The following ZNF526 variants were observed in gnomAD, a reference collection of about 807,000 sequenced individuals.
ZNF526 encodes the protein zinc finger protein 526.
A neutral mutation model predicts 32.4 loss-of-function variants in ZNF526; 16 were observed. The observed-to-expected ratio is 0.49, with a 90% CI of 0.33 to 0.75. The LOEUF is 0.75. Ranked by LOEUF, ZNF526 falls within the 30% of genes least tolerant of loss-of-function variation. The pLI is 0.02. For synonymous variants in ZNF526, 355 were observed against 363.4 expected, an observed-to-expected ratio of 0.98 and a Z score of 0.26; for missense variants, 838 against 920.7, an observed-to-expected ratio of 0.91 and a Z score of 1.16.
intron 2 of ZNF526, 22 bp downstream of exon 2, chr19:42,224,327 A>C (rs2036150958): frequency 7.8e-7 from 1 of 1,273,948 alleles, no homozygotes; most frequent in East Asian, 2.3e-5. Context: ...GATGTGCAAG[A>C]GAATTCCACC....
chr19:42,226,059 G>A lies in ZNF526; in HGVS notation c.1656G>A (p.Arg552=). The A allele has an allele frequency of 6.2e-7, 1 of 1,609,898 alleles. No homozygotes were observed. ...NLQQHRRLHL[R]PVAFARAPRL... The stretch of plus-strand genomic sequence containing the variant: ...AGCAGCACCGGCGGTTGCACTTGCG[G>A]CCAGTCGCCTTTGCCCGCGCCCCCC... The change falls in exon 3 of 3, where the codon CGG becomes CGA. Residue 552 remains arginine, a synonymous_variant. Transcript: ENST00000301215.
Position 42,225,220 on chromosome 19 carries a change from C to G in ZNF526, c.817C>G (p.Gln273Glu). The G allele has an allele frequency of 1.2e-6, 2 of 1,614,190 alleles. No homozygotes were observed. Among genetic ancestry groups the G allele is most frequent in the African/African-American group, 1.3e-5 (1 of 75,064 alleles). ...GGDESTAGWA[Q>E]GCGDCPQHQP... is the part of the protein sequence containing the mutation. ...TGACGAGTCCACAGCTGGCTGGGCT[C>G]AGGGCTGCGGGGACTGTCCCCAGCA... is the stretch of plus-strand genomic sequence containing the variant. Residue 273 changes from glutamine to glutamate, a missense_variant, in exon 3 of 3, where the codon CAG (glutamine) becomes GAG (glutamate). Gln to Glu is a conservative substitution (Grantham distance 29). Transcript: ENST00000301215.
At chr19:42,224,136 G>A (rs2036148762) in intron 1 of ZNF526, 79 bp from the exon 2 acceptor site, 1 of 447,712 alleles carries the variant, frequency 2.2e-6, no homozygotes, top group Non-Finnish European at 4.1e-6. Context: ...TCCAGCTTGG[G>A]TGACAGACCA....
Position 42,226,630 on chromosome 19 carries a change from C to T in ZNF526, c.*214C>T, listed in dbSNP as rs936010917. 4.9e-5 allele frequency: 35 copies of T among 713,150 alleles called. No individual in the cohort carries two copies. Among genetic ancestry groups the T allele is most frequent in the Middle Eastern group, 3.8e-4 (1 of 2,616 alleles). The allele number at this position is 713,150 out of a possible 1,614,324, so 44.2% of individuals were successfully genotyped here. ...GAGGGGAAACTGAAGCTCTGAAATG[C>T]GATGTGATCTGTACCAGGTCACCCA... On this transcript the variant is annotated 3_prime_UTR_variant, in exon 3 of 3. Transcript: ENST00000301215.
At position 42,224,308 on chromosome 19, in the gene ZNF526, G is replaced by A; in HGVS notation, c.-18+3G>A. ...TAAGACTTCCTGAGCGATAGCTGGTGAGTAGTGGGATGTGCAAGAGAATTC... is the reference window on the plus strand; with the variant it reads ...TAAGACTTCCTGAGCGATAGCTGGTAAGTAGTGGGATGTGCAAGAGAATTC... On this transcript the variant is annotated splice_donor_region_variant and intron_variant, in intron 2 of 2. Coordinates refer to ENST00000301215, the MANE Select transcript of ZNF526 (RefSeq NM_133444.3). 9.9e-7 allele frequency: 1 copy of A among 1,006,878 alleles called. No homozygotes were observed. Among genetic ancestry groups the A allele is most frequent in the Non-Finnish European group, 1.6e-6 (1 of 640,372 alleles). 62.4% of individuals were successfully genotyped at this position (1,006,878 alleles called of 1,614,324 possible).
chr19:42,225,520 C>G lies in ZNF526; in HGVS notation c.1117C>G (p.Leu373Val). 1 of 1,613,028 alleles carries G rather than the reference C, an allele frequency of 6.2e-7. No individual in the cohort carries two copies. Among genetic ancestry groups the G allele is most frequent in the South Asian group, 1.1e-5 (1 of 91,068 alleles). The change falls in exon 3 of 3, where the codon CTC becomes GTC. Residue 373 changes from leucine (L) to valine (V), a missense_variant. By Grantham distance (32) the Leu-to-Val change is conservative. Transcript: ENST00000301215. ...CTGTGGCCGCGGCTTTGGCACAGAA[C>G]TCACGTTGGTGGCTCACCGGCGGGC... The part of the protein sequence containing the change: ...VDCGRGFGTE[L>V]TLVAHRRAHT...
intron 1 of ZNF526, among the ~76,000 whole-genome samples, chr19:42,221,993 A>G (rs1422308679): frequency 6.6e-6 from 1 of 151,876 alleles, no homozygotes; most frequent in East Asian, 1.9e-4. Context: ...CTAAATATGT[A>G]CTGTGTGCTA....
At chr19:42,220,681 C>T (rs2036113051) in intron 1 of ZNF526, 1 of 152,112 alleles carries the variant, frequency 6.6e-6, no homozygotes, top group Admixed American at 6.5e-5. Flanking sequence ...TTTCCAGGGC[C>T]CTAGTGGGTT....
chr19:42,225,625 A>G lies in ZNF526; in HGVS notation c.1222A>G (p.Thr408Ala), dbSNP rs1412249918. ...NMTKFLYHRRTHAGKSGAPPT... is the reference protein window; with the variant it reads ...NMTKFLYHRRAHAGKSGAPPT... ...GACCAAGTTCCTCTACCACCGGCGC[A>G]CTCACGCCGGCAAAAGCGGGGCACC... is the stretch of plus-strand genomic sequence containing the variant. The change falls in exon 3 of 3, where the codon ACT (threonine) becomes GCT (alanine). Residue 408 changes from threonine (T) to alanine (A), a missense_variant. Coordinates refer to ENST00000301215, the MANE Select transcript of ZNF526 (RefSeq NM_133444.3). The G allele has an allele frequency of 6.2e-7, 1 of 1,611,850 alleles. No individual in the cohort carries two copies. Among genetic ancestry groups the G allele is most frequent in the Non-Finnish European group, 8.5e-7 (1 of 1,178,500 alleles).
At chr19:42,221,180 T>G (rs1009634249) in intron 1 of ZNF526, among the ~76,000 whole-genome samples, 1 of 152,160 alleles carries the variant, frequency 6.6e-6, no homozygotes, top group Non-Finnish European at 1.5e-5. Context: ...CTGGTAGAAA[T>G]GGACTGTGCA....
In ZNF526 at chr19:42,225,056, C is replaced by A; in HGVS notation, c.653C>A (p.Thr218Asn). 2.5e-6 allele frequency: 4 copies of A among 1,614,126 alleles called. No individual in the cohort carries two copies. Among genetic ancestry groups the A allele is most frequent in the Non-Finnish European group, 2.5e-6 (3 of 1,180,036 alleles). The change falls in exon 3 of 3, where the codon ACC becomes AAC. Residue 218 changes from threonine (T) to asparagine (N), a missense_variant. Transcript: ENST00000301215. ...TPEEFLEHQG[T>N]HFDSLEKEER... ...GAGGAGTTCTTGGAGCATCAGGGCACCCACTTTGACTCCCTAGAGAAAGAG... is the reference window on the plus strand; with the variant it reads ...GAGGAGTTCTTGGAGCATCAGGGCAACCACTTTGACTCCCTAGAGAAAGAG...
chr19:42,224,301 A>AGAG lies in ZNF526; in HGVS notation c.-21_-20insAGG, dbSNP rs370546038. On this transcript the variant is annotated 5_prime_UTR_variant, in exon 2 of 3. Coordinates refer to ENST00000301215, the MANE Select transcript of ZNF526 (RefSeq NM_133444.3). The stretch of plus-strand genomic sequence containing the variant: ...AGTGGATTAAGACTTCCTGAGCGAT[A>AGAG]GCTGGTGAGTAGTGGGATGTGCAAG... 8.1e-4 allele frequency: 779 copies of AGAG among 963,950 alleles called. 7 individuals are homozygous for AGAG. The African/African-American group carries it at 0.012, about 14-fold the overall frequency. 59.7% of individuals were successfully genotyped at this position (963,950 alleles called of 1,614,324 possible). A position where few individuals can be genotyped will look rare whatever the true frequency, so the allele number is the denominator to read the frequency against.
At position 42,225,714 on chromosome 19, in the gene ZNF526, C is replaced by G; in HGVS notation, c.1311C>G (p.Ala437=). 6.2e-7 allele frequency: 1 copy of G among 1,612,544 alleles called. No homozygotes were observed. The highest frequency in any genetic ancestry group is 8.5e-7 in the Non-Finnish European group (1 of 1,179,582). The change falls in exon 3 of 3, where the codon GCC becomes GCG. Residue 437 remains alanine, a synonymous_variant. Coordinates refer to ENST00000301215, the MANE Select transcript of ZNF526 (RefSeq NM_133444.3). Reference sequence around the variant, plus strand: ...CCACCCCTCCACCACCACCCCCTGCCCCACCTGCCCAGCTGCCCTGCCCAC... The same window carrying G: ...CCACCCCTCCACCACCACCCCCTGCGCCACCTGCCCAGCTGCCCTGCCCAC... The part of the protein sequence containing the change: ...AEPTPPPPPP[A]PPAQLPCPQC...
At position 42,224,726 on chromosome 19, in the gene ZNF526, T is replaced by G. The variant is rs762730287; in HGVS notation, c.323T>G (p.Phe108Cys). The G allele has an allele frequency of 1.9e-6, 3 of 1,614,024 alleles. No individual in the cohort carries two copies. The highest frequency in any genetic ancestry group is 3.3e-5 in the Admixed American group (2 of 60,016). The change falls in exon 3 of 3, where the codon TTC becomes TGC. Residue 108 changes from phenylalanine (F) to cysteine (C), a missense_variant. Transcript: ENST00000301215. ...CTGGTGCCGGGTGCTGAGGGGCCCT[T>G]CCAGTGTGGTGAATGCAGCCAGCTC... ...PELVPGAEGP[F>C]QCGECSQLIL...
rs774110727 is a variant in ZNF526, at chr19:42,224,814, G to A, written c.411G>A (p.Gln137=). The change falls in exon 3 of 3, where the codon CAG becomes CAA. Residue 137 remains glutamine (Q), a synonymous_variant. Transcript: ENST00000301215. The part of the protein sequence containing the change: ...QDAHLRESAN[Q]IQYQCWDCQE... ...CCCACCTCCGAGAGTCTGCAAACCA[G>A]ATCCAATACCAGTGCTGGGACTGCC... is the stretch of plus-strand genomic sequence containing the variant. The A allele has an allele frequency of 1.9e-6, 3 of 1,613,818 alleles. No individual in the cohort carries two copies. Among genetic ancestry groups the A allele is most frequent in the Non-Finnish European group, 2.5e-6 (3 of 1,180,018 alleles).
chr19:42,222,418 C>G (rs989310557), intron 1 of ZNF526, among the ~76,000 whole-genome samples: 1 of 152,032 alleles, frequency 6.6e-6, no homozygotes, highest in Non-Finnish European at 1.5e-5. Context: ...AGGCTGTAAA[C>G]CAGACTCCAC....
In ZNF526 at chr19:42,224,189, G is replaced by A. The variant is rs372761339; in HGVS notation, c.-108-26G>A. 6 of 584,428 alleles carry A rather than the reference G, an allele frequency of 1.0e-5. No homozygotes were observed. In the East Asian group the frequency reaches 1.7e-4, roughly 17 times the overall value. 36.2% of individuals were successfully genotyped at this position (584,428 alleles called of 1,614,324 possible). On this transcript the variant is annotated intron_variant, in intron 1 of 2. Coordinates refer to ENST00000301215, the MANE Select transcript of ZNF526 (RefSeq NM_133444.3). The stretch of plus-strand genomic sequence containing the variant: ...AAAAAAAAAAAAAAAAAAGAGGCTG[G>A]GCTGAGTGGTGTTTCTCTCCTGCAG...
chr19:42,226,631 G>C lies in ZNF526; in HGVS notation c.*215G>C. ...AGGGGAAACTGAAGCTCTGAAATGC[G>C]ATGTGATCTGTACCAGGTCACCCAG... On this transcript the variant is annotated 3_prime_UTR_variant, in exon 3 of 3. Coordinates refer to ENST00000301215, the MANE Select transcript of ZNF526 (RefSeq NM_133444.3). 5 of 710,512 alleles carry C rather than the reference G, an allele frequency of 7.0e-6. No homozygotes were observed. The highest frequency in any genetic ancestry group is 1.2e-5 in the Non-Finnish European group (5 of 403,538). The allele number at this position is 710,512 out of a possible 1,614,324, so 44.0% of individuals were successfully genotyped here.
chr19:42,226,098 T>C lies in ZNF526; in HGVS notation c.1695T>C (p.Thr565=), dbSNP rs781110727. ...CCCGCGCCCCCCGCCTCCCCATCAC[T>C]GGTCTCTACAACAAGAGTCCCTACT... ...AFARAPRLPI[T]GLYNKSPYYC... Residue 565 remains threonine, a synonymous_variant, in exon 3 of 3, where the codon ACT becomes ACC. Transcript: ENST00000301215. The C allele has an allele frequency of 2.5e-6, 4 of 1,606,226 alleles. No individual in the cohort carries two copies. The highest frequency in any genetic ancestry group is 2.2e-5 in the South Asian group (2 of 91,090).
Sources: allele counts gnomAD v4.1 joint callset (sites outside exome capture counted in the v4.1 genomes callset), GRCh38; gene constraint gnomAD v4.1.1; transcripts MANE v1.5; gene names NCBI Gene and HGNC (gene_info 2026-07-23, HGNC 2026-07-21).